Variants in CSNK1A1 observed in about 807,000 individuals in gnomAD.
CSNK1A1 encodes the protein casein kinase I isoform alpha.
CSNK1A1 carries 7 observed loss-of-function variants against 46.1 expected under a neutral mutation model. The observed-to-expected ratio is 0.15, with a 90% CI of 0.09 to 0.29. The LOEUF (loss-of-function observed/expected upper bound fraction) is 0.29. Among genes scored for constraint, CSNK1A1 ranks in the 10% least tolerant of loss-of-function variants. CSNK1A1 has a pLI of 1.00. For synonymous variants in CSNK1A1, 137 were observed against 141.5 expected (o/e 0.97, Z 0.23); for missense variants, 96 against 417.1 (o/e 0.23, Z 6.71).
At chr5:149,520,518 G>C in intron 3 of CSNK1A1, 130 bp from the exon 4 acceptor site, 1 of 572,436 alleles carries the variant, frequency 1.7e-6, no homozygotes. Context: ...AAATGGAAAG[G>C]ACAACTAAGT....
chr5:149,550,713 C>T lies in CSNK1A1; in HGVS notation c.123+129G>A, dbSNP rs1762630825. The T allele has an allele frequency of 7.5e-7, 1 of 1,331,626 alleles. No homozygotes were observed. The highest frequency in any genetic ancestry group is 1.0e-6 in the Non-Finnish European group (1 of 978,394). 82.5% of individuals were successfully genotyped at this position (1,331,626 alleles called of 1,614,324 possible). ...GGACGAGGTTCGTAAGCCAGGAAAA[C>T]TAGCTCCCTGGACTCCCTGGCGAGT... On this transcript the variant is annotated intron_variant, in intron 1 of 9. Coordinates refer to ENST00000377843, the MANE Select transcript of CSNK1A1 (RefSeq NM_001892.6). The surrounding 1 kb of genome is among the most constrained non-coding windows in gnomAD (Gnocchi z 4.3).
intron 9 of CSNK1A1, chr5:149,497,604 G>A (rs777502192): frequency 1.3e-5 from 13 of 985,320 alleles, no homozygotes; most frequent in Admixed American, 6.1e-5. Flanking sequence ...TTTATCTACA[G>A]CTAAAGGCAA....
chr5:149,513,763 G>A (rs1470468135), intron 4 of CSNK1A1, among the ~76,000 whole-genome samples: 1 of 152,112 alleles, frequency 6.6e-6, no homozygotes, highest in East Asian at 1.9e-4. Context: ...AGCCGGGCAT[G>A]GTGGCACATG....
intron 9 of CSNK1A1, chr5:149,498,717 A>C: frequency 1.0e-6 from 1 of 985,210 alleles, no homozygotes. Flanking sequence ...GGGTTTTATC[A>C]TAGTTTTCTT....
At chr5:149,524,720 A>T (rs10058861) in intron 3 of CSNK1A1, among the ~76,000 whole-genome samples, 94,457 of 152,032 alleles carry the variant, frequency 0.62, 30,363 homozygotes, top group East Asian at 0.9. Context: ...AATGTCAATA[A>T]ACATTTATCA....
At chr5:149,524,580 C>A (rs948713163) in intron 3 of CSNK1A1, among the ~76,000 whole-genome samples, 2 of 152,126 alleles carry the variant, frequency 1.3e-5, no homozygotes, top group Non-Finnish European at 2.9e-5. Flanking sequence ...ATCCATTACT[C>A]CAAGCAGCAT....
chr5:149,520,235 A>C, intron 4 of CSNK1A1, 55 bp downstream of exon 4: 1 of 1,127,664 alleles, frequency 8.9e-7, no homozygotes, highest in Non-Finnish European at 1.3e-6. Flanking sequence ...TTACCAAAGC[A>C]ATTCTTGTCG....
intron 3 of CSNK1A1, among the ~76,000 whole-genome samples, chr5:149,520,656 A>G (rs1207669876): frequency 6.6e-6 from 1 of 152,186 alleles, no homozygotes; most frequent in Non-Finnish European, 1.5e-5. Context: ...GGTGTTTGTG[A>G]TTTTCAAATA....
At chr5:149,546,586 C>T (rs1004969017) in intron 2 of CSNK1A1, among the ~76,000 whole-genome samples, 4 of 151,192 alleles carry the variant, frequency 2.6e-5, no homozygotes, top group Non-Finnish European at 5.9e-5. Context: ...TGAGCCAAGA[C>T]TGTACCACTG....
intron 2 of CSNK1A1, among the ~76,000 whole-genome samples, chr5:149,531,053 C>G (rs1761881600): frequency 6.7e-6 from 1 of 149,556 alleles, no homozygotes; most frequent in Non-Finnish European, 1.5e-5. Context: ...TTTTCCTATA[C>G]ATTCATATTT....
At chr5:149,542,692 A>ATATATT (rs1762340035) in intron 2 of CSNK1A1, among the ~76,000 whole-genome samples, 8 of 16,188 alleles carry the variant, frequency 4.9e-4, no homozygotes, top group African/African-American at 2.0e-3. Flanking sequence ...ATATATATAT[A>ATATATT]TTTTTTTTTT....
Position 149,550,297 on chromosome 5 carries a change from C to T in CSNK1A1, c.124-116G>A. 6.7e-7 allele frequency: 1 copy of T among 1,495,188 alleles called. No homozygotes were observed. Among genetic ancestry groups the T allele is most frequent in the Non-Finnish European group, 8.9e-7 (1 of 1,127,214 alleles). 92.6% of individuals were successfully genotyped at this position (1,495,188 alleles called of 1,614,324 possible). A position where few individuals can be genotyped will look rare whatever the true frequency, so the allele number is the denominator to read the frequency against. On this transcript the variant is annotated intron_variant, in intron 1 of 9. Coordinates refer to ENST00000377843, the MANE Select transcript of CSNK1A1 (RefSeq NM_001892.6). This position sits in a 1 kb window ranked among gnomAD's most constrained non-coding sequence, Gnocchi z 4.3. ...CGCGACTACAAGAAGAAGTGAAAAG[C>T]TGGAAAGAGAAAGCTCTCGGTAATT...
intron 9 of CSNK1A1, chr5:149,501,031 C>A (rs1476887022): frequency 1.0e-6 from 1 of 985,348 alleles, no homozygotes; most frequent in Non-Finnish European, 1.2e-6. Flanking sequence ...ATAATTGATT[C>A]TTTCCCCAGC....
chr5:149,544,903 A>C (rs902877239), intron 2 of CSNK1A1, among the ~76,000 whole-genome samples: 15 of 151,182 alleles, frequency 9.9e-5, no homozygotes, highest in Non-Finnish European at 1.5e-4. Flanking sequence ...TGGCGGGCCG[A>C]GGTGGGTGGA....
intron 2 of CSNK1A1, among the ~76,000 whole-genome samples, chr5:149,532,480 G>T (rs1761933557): frequency 6.6e-6 from 1 of 151,896 alleles, no homozygotes; most frequent in South Asian, 2.1e-4. Flanking sequence ...ATCACCTGAG[G>T]TCAGGAGTTT....
intron 2 of CSNK1A1, among the ~76,000 whole-genome samples, chr5:149,527,195 T>C (rs1043453880): frequency 1.3e-5 from 2 of 152,108 alleles, no homozygotes; most frequent in African/African-American, 4.8e-5. Context: ...TGGTGCGATC[T>C]TGGCTCACTG....
intron 9 of CSNK1A1, 37 bp from the exon 10 acceptor site, chr5:149,496,897 C>T (rs1452267025): frequency 2.6e-6 from 4 of 1,531,350 alleles, no homozygotes; most frequent in Non-Finnish European, 2.6e-6. Context: ...AGTTAAAATT[C>T]CAAGTCAAAA....
intron 3 of CSNK1A1, among the ~76,000 whole-genome samples, chr5:149,523,509 C>T (rs540918482): frequency 1.7e-4 from 26 of 152,322 alleles, no homozygotes; most frequent in Middle Eastern, 3.4e-3. Flanking sequence ...CAGTGTGCCG[C>T]GCCACTTTTA....
At chr5:149,507,219 T>C in intron 7 of CSNK1A1, 86 bp from the exon 8 acceptor site, 1 of 1,014,140 alleles carries the variant, frequency 9.9e-7, no homozygotes, top group East Asian at 2.7e-5. Context: ...CAAAAAGATA[T>C]TTTTGGGCGG....
Sources: gnomAD v4.1 joint callset for allele counts (sites outside exome capture counted in the v4.1 genomes callset) on GRCh38, gnomAD v4.1.1 for gene constraint, Gnocchi (gnomAD v3.1) non-coding constraint, MANE v1.5 for transcripts, NCBI Gene and HGNC (gene_info 2026-07-23, HGNC 2026-07-21) for gene names.